TNIK: variants seen among roughly 807,000 people sequenced by gnomAD.
The protein encoded by TNIK is TRAF2 and NCK-interacting protein kinase.
Under a neutral mutation model 191.3 loss-of-function variants are expected in TNIK, and 49 were observed. That is an observed-to-expected ratio of 0.26 (90% CI 0.20 to 0.32). The LOEUF is 0.32. Among genes scored for constraint, TNIK ranks in the 10% least tolerant of loss-of-function variants. TNIK has a pLI of 1.00. For synonymous variants in TNIK, 594 were observed against 600.9 expected (o/e 0.99, Z 0.17); for missense variants, 1,155 against 1,702.3 (o/e 0.68, Z 5.66).
At chr3:171,295,065 T>C (rs970934184) in intron 2 of TNIK, among the ~76,000 whole-genome samples, 6 of 151,832 alleles carry the variant, frequency 4.0e-5, no homozygotes, top group Admixed American at 1.3e-4. Flanking sequence ...GGCAGTTTGA[T>C]GGGCCAGGCT....
chr3:171,445,827 G>A (rs1385963082), intron 1 of TNIK, among the ~76,000 whole-genome samples: 1 of 152,136 alleles, frequency 6.6e-6, no homozygotes, highest in Non-Finnish European at 1.5e-5. Context: ...ACCACAATGC[G>A]TAGCCATTCT....
chr3:171,451,519 C>A (rs1179030569), intron 1 of TNIK, among the ~76,000 whole-genome samples: 2 of 152,160 alleles, frequency 1.3e-5, no homozygotes, highest in African/African-American at 4.8e-5. Context: ...TTGTTTAGGC[C>A]ACTAAGCTTG....
intron 7 of TNIK, among the ~76,000 whole-genome samples, chr3:171,178,500 C>A (rs1475598145): frequency 3.3e-5 from 5 of 152,180 alleles, no homozygotes; most frequent in Non-Finnish European, 7.3e-5. Context: ...ATTCTCTGAA[C>A]AGAATTTTCT....
At chr3:171,290,452 A>G (rs1751556997) in intron 2 of TNIK, among the ~76,000 whole-genome samples, 1 of 152,242 alleles carries the variant, frequency 6.6e-6, no homozygotes, top group Non-Finnish European at 1.5e-5. Flanking sequence ...ATTAAATGAC[A>G]TATCACATGT....
chr3:171,411,064 ATCT>A (rs1360220694), intron 1 of TNIK, among the ~76,000 whole-genome samples: 1 of 141,622 alleles, frequency 7.1e-6, no homozygotes, highest in Non-Finnish European at 1.6e-5. Context: ...AACATCAATA[ATCT>A]TTTTTTTTTT....
At chr3:171,088,471 G>A (rs1254894021) in intron 23 of TNIK, among the ~76,000 whole-genome samples, 1 of 152,172 alleles carries the variant, frequency 6.6e-6, no homozygotes, top group Non-Finnish European at 1.5e-5. Flanking sequence ...CTGACCTTGT[G>A]ATCCACCCAC....
intron 2 of TNIK, among the ~76,000 whole-genome samples, chr3:171,324,962 A>G (rs887776914): frequency 3.3e-5 from 5 of 152,034 alleles, no homozygotes; most frequent in Admixed American, 6.6e-5. Context: ...TTAGCTGGGT[A>G]TGCTGGCGGG....
At chr3:171,245,308 G>T (rs1403136562) in intron 2 of TNIK, among the ~76,000 whole-genome samples, 6 of 152,150 alleles carry the variant, frequency 3.9e-5, no homozygotes, top group Non-Finnish European at 7.3e-5. Flanking sequence ...GATCTGAAAT[G>T]ATTTGATAAA....
At chr3:171,404,936 T>G (rs1009128207) in intron 1 of TNIK, among the ~76,000 whole-genome samples, 1 of 152,186 alleles carries the variant, frequency 6.6e-6, no homozygotes, top group Admixed American at 6.5e-5. Context: ...GATTATAAAT[T>G]TGAAACCCAG....
intron 2 of TNIK, among the ~76,000 whole-genome samples, chr3:171,250,462 G>A (rs544236166): frequency 6.6e-6 from 1 of 152,290 alleles, no homozygotes; most frequent in Non-Finnish European, 1.5e-5. Flanking sequence ...AAAATTTCGT[G>A]TCCAAACCTG....
intron 2 of TNIK, among the ~76,000 whole-genome samples, chr3:171,319,169 ACT>A (rs1262309768): frequency 2.0e-5 from 3 of 152,066 alleles, no homozygotes; most frequent in Non-Finnish European, 2.9e-5. Flanking sequence ...ACAGAGGAAG[ACT>A]CTGTCTCAAA....
At chr3:171,249,565 A>G (rs1042341277) in intron 2 of TNIK, among the ~76,000 whole-genome samples, 2 of 152,202 alleles carry the variant, frequency 1.3e-5, no homozygotes, top group Non-Finnish European at 2.9e-5. Context: ...AGGACATTAT[A>G]CATTAAGACA....
At chr3:171,176,926 C>T (rs1736030499) in intron 8 of TNIK, among the ~76,000 whole-genome samples, 1 of 152,156 alleles carries the variant, frequency 6.6e-6, no homozygotes, top group Non-Finnish European at 1.5e-5. Flanking sequence ...GAGTGATAGC[C>T]ATTGAGTGGA....
intron 2 of TNIK, among the ~76,000 whole-genome samples, chr3:171,283,729 A>G (rs868414100): frequency 6.6e-6 from 1 of 152,216 alleles, no homozygotes; most frequent in Non-Finnish European, 1.5e-5. Context: ...GGAAGCTGCC[A>G]GTGGCACTGC....
intron 2 of TNIK, among the ~76,000 whole-genome samples, chr3:171,323,910 T>C (rs141578329): frequency 7.8e-4 from 119 of 152,214 alleles, no homozygotes; most frequent in African/African-American, 2.7e-3. Flanking sequence ...CATCAATAGA[T>C]TGAGAGTTTA....
intron 1 of TNIK, among the ~76,000 whole-genome samples, chr3:171,458,009 C>T (rs993647975): frequency 2.6e-5 from 4 of 152,158 alleles, no homozygotes; most frequent in African/African-American, 9.7e-5. Flanking sequence ...GAGGAAAAAG[C>T]CCATAAGGGA....
intron 1 of TNIK, among the ~76,000 whole-genome samples, chr3:171,387,505 T>G (rs541075079): frequency 1.2e-4 from 19 of 152,348 alleles, no homozygotes; most frequent in African/African-American, 4.6e-4. Flanking sequence ...TTTCTAGGGA[T>G]AGTTCTTTCA....
rs148729018 is a variant in TNIK, at chr3:171,259,913, C to T, written c.124-31692G>A. ...AGTGCAGAGCTTGGCTGTTGCGTGCCATATAAGAGGATGTGACAATCCTTT... is the reference window on the plus strand; with the variant it reads ...AGTGCAGAGCTTGGCTGTTGCGTGCTATATAAGAGGATGTGACAATCCTTT... On this transcript the variant is annotated intron_variant, in intron 2 of 32. Transcript: ENST00000436636. Among the ~76,000 whole-genome samples, 557 of 152,208 alleles carry T rather than the reference C, an allele frequency of 3.7e-3. 3 individuals carry two copies. The highest frequency in any genetic ancestry group is 0.013 in the African/African-American group (538 of 41,528).
intron 1 of TNIK, among the ~76,000 whole-genome samples, chr3:171,425,903 T>G (rs1724500590): frequency 6.6e-6 from 1 of 151,878 alleles, no homozygotes; most frequent in Non-Finnish European, 1.5e-5. Flanking sequence ...AAAATAATCT[T>G]GGACAGCGCT....
Sources: gnomAD v4.1 joint callset for allele counts (sites outside exome capture counted in the v4.1 genomes callset) on GRCh38, gnomAD v4.1.1 for gene constraint, MANE v1.5 for transcripts, NCBI Gene and HGNC (gene_info 2026-07-23, HGNC 2026-07-21) for gene names.